HELLS: variants seen among roughly 807,000 people sequenced by gnomAD.
The protein encoded by HELLS is lymphoid-specific helicase.
A neutral mutation model predicts 120.0 loss-of-function variants in HELLS; 32 were observed. That is an observed-to-expected ratio of 0.27 (90% CI 0.20 to 0.36). The LOEUF is 0.36. HELLS is among the 10% of genes least tolerant of loss of function. The pLI is 1.00. For synonymous variants in HELLS, 341 were observed against 323.4 expected (o/e 1.05, Z -0.58); for missense variants, 650 against 993.4 (o/e 0.65, Z 4.65).
At chr10:94,605,791 C>CAAA (rs2134143830), downstream of HELLS, among the ~76,000 whole-genome samples, 1 of 152,044 alleles carries the variant, frequency 6.6e-6, no homozygotes, top group Admixed American at 6.5e-5. Context: ...ACCAAATGCC[C>CAAA]TGCTAAATTT....
chr10:94,604,386 C>T (rs1475934991), downstream of HELLS, among the ~76,000 whole-genome samples: 1 of 152,088 alleles, frequency 6.6e-6, no homozygotes, highest in African/African-American at 2.4e-5. Flanking sequence ...GGACTAAGTG[C>T]TGGGATTACA....
intron 9 of HELLS, among the ~76,000 whole-genome samples, chr10:94,575,098 ATTTTTTTTTTTTT>A (rs570447113): frequency 2.9e-4 from 35 of 121,790 alleles, no homozygotes; most frequent in Non-Finnish European, 5.3e-4. Context: ...ACCTTCTGCA[ATTTTTTTTTTTTT>A]TTTTTTTTTT....
chr10:94,606,306 G>A (rs1186051301), downstream of HELLS, among the ~76,000 whole-genome samples: 1 of 151,798 alleles, frequency 6.6e-6, no homozygotes, highest in Non-Finnish European at 1.5e-5. Context: ...ATTTCTTGGA[G>A]GGTTTTGTCT....
intron 10 of HELLS, among the ~76,000 whole-genome samples, chr10:94,580,156 T>TATATATATATATATATA (rs1844781138): frequency 2.0e-5 from 1 of 49,204 alleles, no homozygotes; most frequent in Non-Finnish European, 3.7e-5. Context: ...TATATATATA[T>TATATATATATATATATA]ATATATACAC....
rs1214324779 is a variant in HELLS at position 94,545,999 on chromosome 10, G to A, written c.31+47G>A. 1.9e-6 allele frequency: 3 copies of A among 1,549,818 alleles called. No homozygotes were observed. The African/African-American group carries it at 4.1e-5, about 21-fold the overall frequency. ...GGCGCGGGTGGCAGCCTGCGGGGCT[G>A]AGGTGGGCAAGCATGGAGGCTGCGG... On this transcript the variant is annotated intron_variant, in intron 1 of 21. Coordinates refer to ENST00000348459, the MANE Select transcript of HELLS (RefSeq NM_018063.5).
At position 94,546,076 on chromosome 10, in the gene HELLS, G is replaced by A. The variant is rs1842740798; in HGVS notation, c.31+124G>A. On this transcript the variant is annotated intron_variant, in intron 1 of 21. Transcript: ENST00000348459. ...CGGGCAGGGACTGAGGAGGAAAGGA[G>A]GGTTGGGAAACTGCAACGGTGAGTG... The A allele has an allele frequency of 4.2e-6, 5 of 1,179,644 alleles. No individual in the cohort carries two copies. In the East Asian group the frequency reaches 7.7e-5, roughly 18 times the overall value. The allele number at this position is 1,179,644 out of a possible 1,614,324, so 73.1% of individuals were successfully genotyped here. A position where few individuals can be genotyped will look rare whatever the true frequency, so the allele number is the denominator to read the frequency against.
chr10:94,553,661 G>A (rs1843097313), intron 2 of HELLS, among the ~76,000 whole-genome samples: 1 of 148,822 alleles, frequency 6.7e-6, no homozygotes, highest in Non-Finnish European at 1.5e-5. Flanking sequence ...CGATTCTCCT[G>A]CCTCAGCCTC....
chr10:94,601,407 CTG>C lies in HELLS; in HGVS notation c.2423-118_2423-117del. On this transcript the variant is annotated intron_variant, in intron 21 of 21. Transcript: ENST00000348459. ...TTAAGGAAGAGAGTGCCCTGTATTA[CTG>C]TGAGTTTTATAATTTTGGACAGATG... 4.8e-6 allele frequency: 3 copies of C among 624,822 alleles called. No homozygotes were observed. In the South Asian group the frequency reaches 5.4e-5, roughly 11 times the overall value. The allele number at this position is 624,822 out of a possible 1,614,324, so 38.7% of individuals were successfully genotyped here. A position where few individuals can be genotyped will look rare whatever the true frequency, so the allele number is the denominator to read the frequency against.
At chr10:94,563,675 G>A (rs1843659020) in intron 6 of HELLS, among the ~76,000 whole-genome samples, 1 of 151,830 alleles carries the variant, frequency 6.6e-6, no homozygotes. Context: ...ATTTTTTGTA[G>A]CAATGAGATG....
intron 21 of HELLS, 39 bp from the exon 22 acceptor site, chr10:94,601,489 T>C (rs558242055): frequency 6.7e-6 from 7 of 1,040,374 alleles, no homozygotes; most frequent in South Asian, 2.7e-5. Context: ...CTTCTTCTTA[T>C]ACTTCTAAAA....
At chr10:94,595,366 A>T (rs1845691323) in intron 19 of HELLS, among the ~76,000 whole-genome samples, 1 of 152,220 alleles carries the variant, frequency 6.6e-6, no homozygotes, top group African/African-American at 2.4e-5. Context: ...TGAAGAGCAG[A>T]TGGGCAGAGA....
At chr10:94,591,756 A>G (rs1391290391) in intron 15 of HELLS, among the ~76,000 whole-genome samples, 4 of 152,192 alleles carry the variant, frequency 2.6e-5, no homozygotes, top group African/African-American at 9.6e-5. Context: ...TCCCACTCAA[A>G]TGAAAGTAGC....
At chr10:94,595,184 T>C (rs1374772000) in intron 19 of HELLS, among the ~76,000 whole-genome samples, 1 of 151,754 alleles carries the variant, frequency 6.6e-6, no homozygotes. Context: ...GCCGAGATCG[T>C]GCCACTGCAC....
chr10:94,608,294 G>A (rs561075233), intron 9 of HELLS, among the ~76,000 whole-genome samples: 8 of 152,272 alleles, frequency 5.3e-5, no homozygotes, highest in African/African-American at 1.9e-4. Flanking sequence ...GTCCTTTTTA[G>A]AAATCTTACA....
chr10:94,546,168 C>T (rs1589691462), intron 1 of HELLS, among the ~76,000 whole-genome samples: 1 of 152,132 alleles, frequency 6.6e-6, no homozygotes, highest in African/African-American at 2.4e-5. Context: ...CTGCATTTTC[C>T]CGAGCATCCC....
chr10:94,581,198 G>A, intron 10 of HELLS, 128 bp from the exon 11 acceptor site: 1 of 554,704 alleles, frequency 1.8e-6, no homozygotes. Flanking sequence ...CATTTCAGTA[G>A]TTACTGAAAT....
intron 10 of HELLS, among the ~76,000 whole-genome samples, chr10:94,579,541 AT>A (rs889440225): frequency 8.4e-4 from 116 of 137,804 alleles, no homozygotes; most frequent in Admixed American, 7.3e-4. Flanking sequence ...TATACATTCA[AT>A]TTTTTTTTTT....
Position 94,585,235 on chromosome 10 carries a change from G to A in HELLS, c.1326+2176G>A, listed in dbSNP as rs537878369. Among the ~76,000 whole-genome samples the A allele has an allele frequency of 2.0e-4, 31 of 151,490 alleles. 1 individual carries two copies. In the South Asian group the frequency reaches 2.1e-3, roughly 10 times the overall value. ...AAAATTTTTTATTTTAAAATTATGC[G>A]TACACGGTAAGATATTTTTAAATGT... is the stretch of plus-strand genomic sequence containing the variant. On this transcript the variant is annotated intron_variant, in intron 12 of 21. Coordinates refer to ENST00000348459, the MANE Select transcript of HELLS (RefSeq NM_018063.5).
chr10:94,545,816 G>T lies in HELLS; in HGVS notation c.-106G>T. The T allele has an allele frequency of 1.5e-6, 2 of 1,304,178 alleles. No homozygotes were observed. 80.8% of individuals were successfully genotyped at this position (1,304,178 alleles called of 1,614,324 possible). ...GGAGAAGCGCGCTTTTTTCCCTGGC[G>T]GGGGATTTGGCTAGAAGGCTGGGCC... On this transcript the variant is annotated 5_prime_UTR_variant, in exon 1 of 22. Transcript: ENST00000348459.
Sources: allele counts gnomAD v4.1 joint callset (sites outside exome capture counted in the v4.1 genomes callset), GRCh38; gene constraint gnomAD v4.1.1; transcripts MANE v1.5; gene names NCBI Gene and HGNC (gene_info 2026-07-23, HGNC 2026-07-21).